ADGB: variants seen among roughly 807,000 people sequenced by gnomAD.
ADGB encodes the protein calpain-7-like protein.
Under a neutral mutation model 210.5 loss-of-function variants are expected in ADGB, and 172 were observed. The observed-to-expected ratio is 0.82, with a 90% CI of 0.72 to 0.93. ADGB has a LOEUF of 0.93. Ranked by LOEUF, ADGB falls within the 40% of genes least tolerant of loss-of-function variation. The pLI is 0.00. For missense variants in ADGB, 2,025 were observed against 1,964.8 expected, an observed-to-expected ratio of 1.03 and a Z score of -0.58; for synonymous variants, 658 against 662.7, an observed-to-expected ratio of 0.99 and a Z score of 0.11.
At chr6:146,700,912 A>G in intron 12 of ADGB, 29 bp from the exon 13 acceptor site, 1 of 1,533,740 alleles carries the variant, frequency 6.5e-7, no homozygotes, top group Non-Finnish European at 8.8e-7. Context: ...TCAAAATAAC[A>G]GAAGTTTGGG....
At chr6:146,808,654 G>A (rs1300218362) in intron 35 of ADGB, among the ~76,000 whole-genome samples, 1 of 152,132 alleles carries the variant, frequency 6.6e-6, no homozygotes, top group Non-Finnish European at 1.5e-5. Flanking sequence ...ACTTTGGCAG[G>A]TGATTTTACT....
At chr6:146,801,733 T>C in intron 34 of ADGB, 95 bp from the exon 35 acceptor site, 7 of 1,094,592 alleles carry the variant, frequency 6.4e-6, no homozygotes, top group Non-Finnish European at 7.6e-6. Flanking sequence ...ACCACCACAC[T>C]GTTGATATGA....
chr6:146,680,002 A>G (rs1776136344), intron 9 of ADGB, among the ~76,000 whole-genome samples: 2 of 152,188 alleles, frequency 1.3e-5, no homozygotes, highest in Non-Finnish European at 2.9e-5. Context: ...TTGTTTCAAA[A>G]AAGCAAAAAT....
intron 12 of ADGB, among the ~76,000 whole-genome samples, chr6:146,699,112 G>A (rs893844063): frequency 2.6e-5 from 4 of 152,054 alleles, no homozygotes; most frequent in Non-Finnish European, 4.4e-5. Context: ...AATTAATGCG[G>A]AATATAGACA....
intron 17 of ADGB, among the ~76,000 whole-genome samples, chr6:146,723,732 G>A (rs1156483534): frequency 1.3e-5 from 2 of 152,042 alleles, no homozygotes; most frequent in Non-Finnish European, 1.5e-5. Context: ...GTGAGAACCC[G>A]TCTTTAAAAA....
In ADGB at chr6:146,741,221, G is replaced by A. The variant is rs767469243; in HGVS notation, c.3127G>A (p.Val1043Met). Residue 1043 changes from valine (V) to methionine (M), a missense_variant, in exon 25 of 36, where the codon GTG becomes ATG. Transcript: ENST00000397944. ...TGTTAATAATGACACAATGGAGCAA[G>A]TGCCAAAGGTGTTCCAAAAAGTGGT... Reference protein sequence around the residue: ...HIVNNDTMEQVPKVFQKVVPY... With the variant: ...HIVNNDTMEQMPKVFQKVVPY... The A allele has an allele frequency of 2.0e-5, 31 of 1,550,968 alleles. No individual in the cohort carries two copies. The African/African-American group carries it at 3.8e-4, about 19-fold the overall frequency.
At chr6:146,736,677 G>A (rs778316791) in intron 23 of ADGB, 86 bp downstream of exon 23, 35 of 804,138 alleles carry the variant, frequency 4.4e-5, no homozygotes, top group East Asian at 2.6e-4. Context: ...TGTTGAGAGC[G>A]CCCCAGTCAC....
At chr6:146,724,623 T>C (rs1043675309) in intron 18 of ADGB, 1 of 179,666 alleles carries the variant, frequency 5.6e-6, no homozygotes, top group Non-Finnish European at 1.2e-5. Context: ...AATTAATTTA[T>C]AAATATTATA....
chr6:146,784,767 G>A lies in ADGB; in HGVS notation c.4185G>A (p.Glu1395=). ...TCCGAGCCATGAAACAAGCCTGGGA[G>A]ACAACTGAGCCAGGAAGAGCAATCA... The part of the protein sequence containing the change: ...DEIRAMKQAW[E]TTEPGRAIKA... Residue 1395 remains glutamate (E), a synonymous_variant, in exon 31 of 36, where the codon GAG becomes GAA. Coordinates refer to ENST00000397944, the MANE Select transcript of ADGB (RefSeq NM_024694.4). 2 of 1,550,142 alleles carry A rather than the reference G, an allele frequency of 1.3e-6. No homozygotes were observed. The highest frequency in any genetic ancestry group is 2.0e-5 in the Admixed American group (1 of 50,702).
At position 146,700,988 on chromosome 6, in the gene ADGB, A is replaced by G. The variant is rs1164592344; in HGVS notation, c.1625A>G (p.Asp542Gly). Residue 542 changes from aspartate (D) to glycine (G), a missense_variant, in exon 13 of 36, where the codon GAT (aspartate) becomes GGT (glycine). Physicochemically the swap from Asp to Gly is moderately conservative, Grantham distance 94. Coordinates refer to ENST00000397944, the MANE Select transcript of ADGB (RefSeq NM_024694.4). ...LIKKGIPPGS[D>G]LPSVSETDET... ...AAGAAAGGAATACCTCCAGGATCTG[A>G]TTTACCTTCCGTCAGTGAAACTGAT... is the stretch of plus-strand genomic sequence containing the variant. 7 of 1,551,126 alleles carry G rather than the reference A, an allele frequency of 4.5e-6. No individual in the cohort carries two copies. Among genetic ancestry groups the G allele is most frequent in the Non-Finnish European group, 6.1e-6 (7 of 1,146,496 alleles).
chr6:146,629,782 T>C (rs1197771633), intron 1 of ADGB, among the ~76,000 whole-genome samples: 1 of 152,196 alleles, frequency 6.6e-6, no homozygotes, highest in Admixed American at 6.5e-5. Context: ...GCTTCATTTT[T>C]CCCTGAAAAC....
intron 35 of ADGB, chr6:146,807,526 A>G (rs1292119516): frequency 6.4e-7 from 1 of 1,551,552 alleles, no homozygotes; most frequent in African/African-American, 1.4e-5. Context: ...ATGAAGCTGG[A>G]GACAGAAAAG....
At chr6:146,799,217 A>G (rs1778087955) in intron 33 of ADGB, among the ~76,000 whole-genome samples, 1 of 152,158 alleles carries the variant, frequency 6.6e-6, no homozygotes, top group South Asian at 2.1e-4. Context: ...CACTAAAATC[A>G]GGAGCAAGCC....
At chr6:146,611,506 T>G (rs1254687855) in intron 1 of ADGB, among the ~76,000 whole-genome samples, 1 of 152,164 alleles carries the variant, frequency 6.6e-6, no homozygotes, top group Non-Finnish European at 1.5e-5. Context: ...TGAGGTCTCC[T>G]GCAGCTGGGA....
At chr6:146,625,163 C>A (rs558561494) in intron 1 of ADGB, among the ~76,000 whole-genome samples, 2 of 151,890 alleles carry the variant, frequency 1.3e-5, no homozygotes, top group South Asian at 4.1e-4. Flanking sequence ...TTAAGAAAAT[C>A]ATATTGTGAT....
In ADGB at chr6:146,715,394, T is replaced by C; in HGVS notation, c.1720T>C (p.Ser574Pro). 2 of 1,499,652 alleles carry C rather than the reference T, an allele frequency of 1.3e-6. No homozygotes were observed. Among genetic ancestry groups the C allele is most frequent in the Non-Finnish European group, 1.8e-6 (2 of 1,124,358 alleles). 92.9% of individuals were successfully genotyped at this position (1,499,652 alleles called of 1,614,324 possible). Residue 574 changes from serine to proline, a missense_variant, in exon 14 of 36, where the codon TCA becomes CCA. Transcript: ENST00000397944. ...TKATSQGNTASQVILGKGTDE... is the reference protein window; with the variant it reads ...TKATSQGNTAPQVILGKGTDE... Reference sequence around the variant, plus strand: ...TTTTAATTCATAGGGAAATACTGCTTCACAAGTTATACTTGGAAAAGGTAA... The same window carrying C: ...TTTTAATTCATAGGGAAATACTGCTCCACAAGTTATACTTGGAAAAGGTAA...
At chr6:146,745,233 G>A (rs754183143) in intron 25 of ADGB, among the ~76,000 whole-genome samples, 22 of 152,054 alleles carry the variant, frequency 1.4e-4, no homozygotes, top group Non-Finnish European at 1.6e-4. Context: ...TCTTTATTAG[G>A]GGCATCTGGA....
At chr6:146,690,759 C>T (rs906871504) in intron 10 of ADGB, among the ~76,000 whole-genome samples, 7 of 152,082 alleles carry the variant, frequency 4.6e-5, no homozygotes, top group Admixed American at 4.6e-4. Flanking sequence ...TTTTAATTTA[C>T]ATATTAAGCA....
At chr6:146,678,272 G>A (rs1776110279) in intron 9 of ADGB, among the ~76,000 whole-genome samples, 1 of 152,160 alleles carries the variant, frequency 6.6e-6, no homozygotes, top group African/African-American at 2.4e-5. Context: ...TGTCGCCCAG[G>A]CTGGAGTGCA....
Sources: gnomAD v4.1 joint callset for allele counts (sites outside exome capture counted in the v4.1 genomes callset) on GRCh38, gnomAD v4.1.1 for gene constraint, MANE v1.5 for transcripts, NCBI Gene and HGNC (gene_info 2026-07-23, HGNC 2026-07-21) for gene names.